TAOK1: variants seen among roughly 807,000 people sequenced by gnomAD.
TAOK1 encodes TAO kinase 1, also known as serine/threonine-protein kinase TAO1.
Under a neutral mutation model 138.3 loss-of-function variants are expected in TAOK1, and 21 were observed. The ratio of observed to expected loss-of-function variants is 0.15; its 90% confidence interval spans 0.11 to 0.22. The LOEUF is 0.22. TAOK1 is among the 10% of genes least tolerant of loss of function. TAOK1 has a pLI of 1.00. For missense variants in TAOK1, 651 were observed against 1,227.7 expected (o/e 0.53, Z 7.02); for synonymous variants, 361 against 398.4 (o/e 0.91, Z 1.12).
Position 29,465,837 on chromosome 17 carries a change from C to CTTTTTTTTTTTTTTTTTTTTT in TAOK1, c.133-1301_133-1281dup, listed in dbSNP as rs3058623. 1.2e-3 allele frequency among the ~76,000 whole-genome samples: 55 copies of CTTTTTTTTTTTTTTTTTTTTT among 45,450 alleles called. 22 individuals carry two copies. The highest frequency in any genetic ancestry group is 5.0e-3 in the African/African-American group (44 of 8,726). 29.8% of individuals were successfully genotyped at this position (45,450 alleles called of 152,430 possible). On this transcript the variant is annotated intron_variant, in intron 2 of 19. Coordinates refer to ENST00000261716, the MANE Select transcript of TAOK1 (RefSeq NM_020791.4). ...AAGAGTTAACTGTCAAGTTTCTGTGCTTTTTTTTTTTTTTTTTTTTTTTTT... is the reference window on the plus strand; with the variant it reads ...AAGAGTTAACTGTCAAGTTTCTGTGCTTTTTTTTTTTTTTTTTTTTTTTTTTTTTTTTTTTTTTTTTTTTTT...
rs1904386361 is a variant in TAOK1, at chr17:29,390,650, C to G, written c.-469C>G. The G allele has an allele frequency of 6.6e-6, 1 of 151,932 alleles. No individual in the cohort carries two copies. Among genetic ancestry groups the G allele is most frequent in the African/African-American group, 2.4e-5 (1 of 41,324 alleles). The allele number at this position is 151,932 out of a possible 1,614,324, so 9.4% of individuals were successfully genotyped here. On this transcript the variant is annotated 5_prime_UTR_variant, in exon 1 of 20. Transcript: ENST00000261716. ...GAGGGCTGCGCGTGGGCCCGCCCGC[C>G]GAGGGGCCGCGGCGGGGGACCGAGA...
chr17:29,421,246 C>CT (rs781271402), intron 1 of TAOK1, among the ~76,000 whole-genome samples: 28 of 152,172 alleles, frequency 1.8e-4, no homozygotes, highest in Admixed American at 3.3e-4. Flanking sequence ...CATTTTTAGA[C>CT]TAATAAAGTG....
chr17:29,495,171 A>G (rs910047990), intron 10 of TAOK1, among the ~76,000 whole-genome samples: 1 of 152,204 alleles, frequency 6.6e-6, no homozygotes, highest in African/African-American at 2.4e-5. Flanking sequence ...TTCATAATTC[A>G]CCATCATTAA....
intron 1 of TAOK1, among the ~76,000 whole-genome samples, chr17:29,422,483 G>T (rs1905483706): frequency 6.6e-6 from 1 of 152,036 alleles, no homozygotes; most frequent in Non-Finnish European, 1.5e-5. Context: ...CTCCCAAAGT[G>T]CTGGCATTAC....
chr17:29,468,135 A>ATTTTTTTTTTTTTTTTTTTTTTTTTT lies in TAOK1; in HGVS notation c.204+936_204+937insTTTTTTTTTTTTTTTTTTTTTTTTTT, dbSNP rs761962930. On this transcript the variant is annotated intron_variant, in intron 3 of 19. Transcript: ENST00000261716. ...AACCACTGTGCTTGGCCTGCTTTCAATTTTTTTTTTTTTTTTTAGGAGCTG... is the reference window on the plus strand; with the variant it reads ...AACCACTGTGCTTGGCCTGCTTTCAATTTTTTTTTTTTTTTTTTTTTTTTTTTTTTTTTTTTTTTTTTTAGGAGCTG... 2.4e-3 allele frequency among the ~76,000 whole-genome samples: 185 copies of ATTTTTTTTTTTTTTTTTTTTTTTTTT among 76,026 alleles called. 35 individuals are homozygous for ATTTTTTTTTTTTTTTTTTTTTTTTTT. The highest frequency in any genetic ancestry group is 3.1e-3 in the Non-Finnish European group (126 of 40,322). The allele number at this position is 76,026 out of a possible 152,430, so 49.9% of individuals were successfully genotyped here. A position where few individuals can be genotyped will look rare whatever the true frequency, so the allele number is the denominator to read the frequency against.
chr17:29,470,046 A>T (rs745974867), intron 3 of TAOK1, among the ~76,000 whole-genome samples: 1 of 152,172 alleles, frequency 6.6e-6, no homozygotes, highest in Non-Finnish European at 1.5e-5. Flanking sequence ...CCTTGCCATT[A>T]AGAATATAGC....
At chr17:29,484,454 C>T (rs1027182767) in intron 8 of TAOK1, among the ~76,000 whole-genome samples, 1 of 152,112 alleles carries the variant, frequency 6.6e-6, no homozygotes, top group African/African-American at 2.4e-5. Flanking sequence ...AGGAAGTGTT[C>T]TGTAGCTATG....
chr17:29,505,404 C>T (rs1020289045), intron 13 of TAOK1, among the ~76,000 whole-genome samples: 2 of 152,054 alleles, frequency 1.3e-5, no homozygotes, highest in Non-Finnish European at 2.9e-5. Flanking sequence ...ACCCAAGTGC[C>T]TTATATAAAA....
chr17:29,418,196 TGTTTC>T (rs1905315726), intron 1 of TAOK1, among the ~76,000 whole-genome samples: 1 of 151,944 alleles, frequency 6.6e-6, no homozygotes, highest in Non-Finnish European at 1.5e-5. Flanking sequence ...TTCTTCGTTT[TGTTTC>T]GAGACAGGAT....
rs561700177 is a variant in TAOK1 at position 29,492,182 on chromosome 17, A to G, written c.831+317A>G. 1.4e-4 allele frequency among the ~76,000 whole-genome samples: 22 copies of G among 152,320 alleles called. No homozygotes were observed. In the South Asian group the frequency reaches 2.1e-3, roughly 14 times the overall value. ...ATTACAGGCATGAGCCACCAGTTCCATTATACTTTAAATTTGTTCTTACCC... is the reference window on the plus strand; with the variant it reads ...ATTACAGGCATGAGCCACCAGTTCCGTTATACTTTAAATTTGTTCTTACCC... On this transcript the variant is annotated intron_variant, in intron 10 of 19. Transcript: ENST00000261716.
intron 1 of TAOK1, among the ~76,000 whole-genome samples, chr17:29,426,780 G>A (rs1016030942): frequency 6.6e-6 from 1 of 152,184 alleles, no homozygotes; most frequent in Non-Finnish European, 1.5e-5. Flanking sequence ...TTCTATGCCT[G>A]TTATTCTCTA....
At chr17:29,469,010 A>G (rs1032280067) in intron 3 of TAOK1, among the ~76,000 whole-genome samples, 3 of 152,192 alleles carry the variant, frequency 2.0e-5, no homozygotes, top group African/African-American at 7.2e-5. Context: ...TAGTTCACTA[A>G]TATTCTAATT....
In TAOK1 at chr17:29,480,362, A is replaced by T. The variant is rs1015696441; in HGVS notation, c.450-6A>T. The T allele has an allele frequency of 1.2e-6, 2 of 1,608,784 alleles. No homozygotes were observed. Among genetic ancestry groups the T allele is most frequent in the Admixed American group, 3.3e-5 (2 of 59,780 alleles). Reference sequence around the variant, plus strand: ...TTAAGTAATTTTCTGTATTCCCTAAACCTAGAGATATCAAAGCAGGAAATA... The same window carrying T: ...TTAAGTAATTTTCTGTATTCCCTAATCCTAGAGATATCAAAGCAGGAAATA... On this transcript the variant is annotated splice_polypyrimidine_tract_variant and splice_region_variant and intron_variant, in intron 6 of 19. Transcript: ENST00000261716.
chr17:29,444,200 A>G (rs2030021969), intron 1 of TAOK1, among the ~76,000 whole-genome samples: 1 of 151,982 alleles, frequency 6.6e-6, no homozygotes, highest in Non-Finnish European at 1.5e-5. Context: ...TATTTAGCAG[A>G]CTAGAAGAAT....
intron 10 of TAOK1, among the ~76,000 whole-genome samples, chr17:29,494,957 A>G (rs184208361): frequency 6.6e-6 from 1 of 152,338 alleles, no homozygotes; most frequent in Admixed American, 6.5e-5. Context: ...AAATTTATGA[A>G]AAGTATATTA....
In TAOK1 at chr17:29,543,330, A is replaced by G. The variant is rs2032352090; in HGVS notation, c.*308A>G. On this transcript the variant is annotated 3_prime_UTR_variant, in exon 20 of 20. Transcript: ENST00000261716. ...ATATATTATGCATGTGGTGAAAAGA[A>G]TTGGCTAGATAGGGGATTTTTCTGA... 1 of 174,236 alleles carries G rather than the reference A, an allele frequency of 5.7e-6. No individual in the cohort carries two copies. 10.8% of individuals were successfully genotyped at this position (174,236 alleles called of 1,614,324 possible).
chr17:29,411,564 T>A (rs1414649445), intron 1 of TAOK1, among the ~76,000 whole-genome samples: 1 of 151,858 alleles, frequency 6.6e-6, no homozygotes, highest in Non-Finnish European at 1.5e-5. Flanking sequence ...GCTAATTTTT[T>A]TTTTTTGTGG....
At chr17:29,457,089 CTTT>C (rs548221652) in intron 2 of TAOK1, among the ~76,000 whole-genome samples, 5 of 107,408 alleles carry the variant, frequency 4.7e-5, no homozygotes, top group African/African-American at 1.5e-4. Flanking sequence ...TTTTCTTTTT[CTTT>C]TTTTTTTTTT....
At chr17:29,394,150 G>GGTTTTTTTTTTTT (rs1904513941) in intron 1 of TAOK1, among the ~76,000 whole-genome samples, 1 of 48,246 alleles carries the variant, frequency 2.1e-5, no homozygotes. Context: ...TAATTTGCCA[G>GGTTTTTTTTTTTT]TTTTTTTTTT....
Sources: allele counts gnomAD v4.1 joint callset (sites outside exome capture counted in the v4.1 genomes callset), GRCh38; gene constraint gnomAD v4.1.1; transcripts MANE v1.5; gene names NCBI Gene and HGNC (gene_info 2026-07-23, HGNC 2026-07-21).